The following TMEM161B variants were observed in gnomAD, a reference collection of about 807,000 sequenced individuals.
The protein encoded by TMEM161B is transmembrane protein 161B.
In TMEM161B, 34 loss-of-function variants were observed where a neutral mutation model predicts 61.8. The observed-to-expected ratio is 0.55, with a 90% CI of 0.42 to 0.73. The LOEUF (loss-of-function observed/expected upper bound fraction) is 0.73, where lower values mean the gene tolerates loss of function less well. Ranked by LOEUF, TMEM161B falls within the 30% of genes least tolerant of loss-of-function variation. TMEM161B has a pLI of 0.00. For missense variants in TMEM161B, 456 were observed against 558.5 expected (o/e 0.82, Z 1.85); for synonymous variants, 167 against 192.8 (o/e 0.87, Z 1.11).
chr5:88,243,451 G>A (rs188467434), intron 1 of TMEM161B, among the ~76,000 whole-genome samples: 69 of 151,834 alleles, frequency 4.5e-4, no homozygotes, highest in African/African-American at 1.6e-3. Flanking sequence ...AGTATTCCAT[G>A]GTATATATGT....
intron 4 of TMEM161B, among the ~76,000 whole-genome samples, chr5:88,222,137 T>C (rs1182426487): frequency 2.0e-5 from 3 of 152,312 alleles, no homozygotes; most frequent in East Asian, 1.9e-4. Context: ...GGTGTGATCA[T>C]AGCTCACTGC....
chr5:88,259,615 G>A (rs947769548), intron 1 of TMEM161B, among the ~76,000 whole-genome samples: 8 of 152,200 alleles, frequency 5.3e-5, no homozygotes, highest in Non-Finnish European at 8.8e-5. Flanking sequence ...AGTGCCTTCA[G>A]TGGATGCAGT....
rs187601106 is a variant in TMEM161B at position 88,203,086 on chromosome 5, G to A, written c.801-11C>T. ...ATATGAAGTAAAGTTCTGAAAGTACGTAAGAAATAAATATAAAAATTCAGA... is the reference window on the plus strand; with the variant it reads ...ATATGAAGTAAAGTTCTGAAAGTACATAAGAAATAAATATAAAAATTCAGA... On this transcript the variant is annotated splice_polypyrimidine_tract_variant and intron_variant, in intron 8 of 11. Transcript: ENST00000296595. 4.4e-5 allele frequency: 65 copies of A among 1,489,208 alleles called. No individual in the cohort carries two copies. Among genetic ancestry groups the A allele is most frequent in the East Asian group, 3.2e-4 (14 of 44,044 alleles). 92.2% of individuals were successfully genotyped at this position (1,489,208 alleles called of 1,614,324 possible).
intron 10 of TMEM161B, 172 bp downstream of exon 10, chr5:88,198,804 C>T (rs77534804): frequency 1.6e-6 from 1 of 621,866 alleles, no homozygotes; most frequent in African/African-American, 1.9e-5. Flanking sequence ...CCTCACTTGG[C>T]ACCAAAATCA....
rs191663390 is a variant in TMEM161B at position 88,267,495 on chromosome 5, T to C, written c.3+1226A>G. 1.5e-4 allele frequency among the ~76,000 whole-genome samples: 23 copies of C among 152,236 alleles called. No homozygotes were observed. In the East Asian group the frequency reaches 3.5e-3, roughly 23 times the overall value. On this transcript the variant is annotated intron_variant, in intron 1 of 11. Coordinates refer to ENST00000296595, the MANE Select transcript of TMEM161B (RefSeq NM_153354.5). ...ACACATTAACTGAATGTTGGCAATA[T>C]TTGGCCCTGAAAATATAAGACAAAC...
At chr5:88,252,759 A>T (rs1216072348) in intron 1 of TMEM161B, among the ~76,000 whole-genome samples, 5 of 152,196 alleles carry the variant, frequency 3.3e-5, no homozygotes, top group African/African-American at 1.2e-4. Context: ...TTCCGAACAC[A>T]CGGCAAATAG....
Position 88,195,260 on chromosome 5 carries a change from T to C in TMEM161B, c.*951A>G. On this transcript the variant is annotated 3_prime_UTR_variant, in exon 12 of 12. Coordinates refer to ENST00000296595, the MANE Select transcript of TMEM161B (RefSeq NM_153354.5). ...TCCAAAAAGAAATAAAATTTCTAGA[T>C]ACAAATACATCTCATTCAAGTCACT... 2 of 947,296 alleles carry C rather than the reference T, an allele frequency of 2.1e-6. No homozygotes were observed. The highest frequency in any genetic ancestry group is 2.5e-6 in the Non-Finnish European group (2 of 795,266). The allele number at this position is 947,296 out of a possible 1,614,324, so 58.7% of individuals were successfully genotyped here. A position where few individuals can be genotyped will look rare whatever the true frequency, so the allele number is the denominator to read the frequency against.
intron 1 of TMEM161B, 21 bp downstream of exon 1, chr5:88,268,700 T>A: frequency 1.9e-6 from 3 of 1,614,140 alleles, no homozygotes; most frequent in Non-Finnish European, 2.5e-6. Flanking sequence ...TTGTCACTCC[T>A]GCCCTCACAG....
intron 5 of TMEM161B, among the ~76,000 whole-genome samples, chr5:88,213,440 T>C (rs1441723532): frequency 6.6e-6 from 1 of 152,098 alleles, no homozygotes; most frequent in Non-Finnish European, 1.5e-5. Flanking sequence ...AAAACTATCG[T>C]GCCTGTTTAA....
intron 1 of TMEM161B, among the ~76,000 whole-genome samples, chr5:88,252,751 C>A (rs1255485938): frequency 6.6e-6 from 1 of 152,186 alleles, no homozygotes; most frequent in Non-Finnish European, 1.5e-5. Flanking sequence ...CTCGGCTTTT[C>A]CGAACACACG....
In TMEM161B at chr5:88,268,769, G is replaced by A. The variant is rs1374897841; in HGVS notation, c.-46C>T. ...GACCAGACACCCTGGAGTTGCCGGGGCAGTCCCAAACCTCTTACCTCCCGG... is the reference window on the plus strand; with the variant it reads ...GACCAGACACCCTGGAGTTGCCGGGACAGTCCCAAACCTCTTACCTCCCGG... On this transcript the variant is annotated 5_prime_UTR_variant, in exon 1 of 12. Coordinates refer to ENST00000296595, the MANE Select transcript of TMEM161B (RefSeq NM_153354.5). The A allele has an allele frequency of 6.2e-7, 1 of 1,613,844 alleles. No homozygotes were observed. The highest frequency in any genetic ancestry group is 1.7e-5 in the Admixed American group (1 of 59,998).
At chr5:88,255,242 C>T (rs1392811868) in intron 1 of TMEM161B, among the ~76,000 whole-genome samples, 1 of 152,100 alleles carries the variant, frequency 6.6e-6, no homozygotes, top group African/African-American at 2.4e-5. Flanking sequence ...CCATATAATG[C>T]CAAAGCTGAT....
intron 1 of TMEM161B, among the ~76,000 whole-genome samples, chr5:88,241,761 CT>C (rs1051087191): frequency 4.0e-5 from 6 of 151,684 alleles, no homozygotes; most frequent in Admixed American, 2.6e-4. Context: ...TAATTCAAAC[CT>C]TCTTTCCTCT....
chr5:88,197,010 G>A (rs538380243), intron 11 of TMEM161B, among the ~76,000 whole-genome samples: 29 of 152,138 alleles, frequency 1.9e-4, no homozygotes, highest in African/African-American at 5.1e-4. Flanking sequence ...TTTACATTCC[G>A]TAGATTCTTA....
intron 5 of TMEM161B, among the ~76,000 whole-genome samples, chr5:88,212,166 T>C (rs566809577): frequency 3.0e-4 from 45 of 152,246 alleles, no homozygotes; most frequent in Admixed American, 2.5e-3. Flanking sequence ...GCCTTCAAAA[T>C]TATGAAGAAA....
chr5:88,197,872 C>A, intron 10 of TMEM161B, 107 bp from the exon 11 acceptor site: 1 of 889,494 alleles, frequency 1.1e-6, no homozygotes, highest in Non-Finnish European at 1.7e-6. Flanking sequence ...AATCCTTTCA[C>A]AAGAAGGAAG....
intron 4 of TMEM161B, chr5:88,221,674 C>A (rs1381058525): frequency 2.2e-6 from 1 of 455,650 alleles, no homozygotes; most frequent in African/African-American, 2.0e-5. Flanking sequence ...ATTCCATCAC[C>A]CTTTGCATCT....
At chr5:88,263,955 A>C (rs1172576301) in intron 1 of TMEM161B, among the ~76,000 whole-genome samples, 1 of 152,198 alleles carries the variant, frequency 6.6e-6, no homozygotes, top group African/African-American at 2.4e-5. Context: ...TGTTTCCTCT[A>C]AAAGTTAACC....
chr5:88,230,172 T>A (rs1750752347), intron 2 of TMEM161B, among the ~76,000 whole-genome samples: 1 of 151,940 alleles, frequency 6.6e-6, no homozygotes, highest in Non-Finnish European at 1.5e-5. Flanking sequence ...GGCAACAAAG[T>A]AAGACCCTAT....
Sources: allele counts gnomAD v4.1 joint callset (sites outside exome capture counted in the v4.1 genomes callset), GRCh38; gene constraint gnomAD v4.1.1; transcripts MANE v1.5; gene names NCBI Gene and HGNC (gene_info 2026-07-23, HGNC 2026-07-21).